Variants in CLVS2 observed in about 807,000 individuals in gnomAD.
The protein encoded by CLVS2 is clavesin 2.
A neutral mutation model predicts 29.0 loss-of-function variants in CLVS2; 19 were observed. The ratio of observed to expected loss-of-function variants is 0.66; its 90% CI spans 0.46 to 0.96. CLVS2 has a LOEUF of 0.96. Ranked by LOEUF, CLVS2 falls within the 40% of genes least tolerant of loss-of-function variation. CLVS2 has a pLI of 0.00. For missense variants in CLVS2, 294 were observed against 404.1 expected (o/e 0.73, Z 2.34); for synonymous variants, 161 against 151.3 (o/e 1.06, Z -0.47).
intron 3 of CLVS2, among the ~76,000 whole-genome samples, chr6:123,025,168 A>G (rs531804582): frequency 6.6e-5 from 10 of 152,214 alleles, no homozygotes; most frequent in African/African-American, 2.2e-4. Context: ...TTGCCCAGCT[A>G]TTTAAAGGTC....
intron 3 of CLVS2, among the ~76,000 whole-genome samples, chr6:123,014,935 C>T (rs1448698880): frequency 6.6e-6 from 1 of 152,006 alleles, no homozygotes; most frequent in Admixed American, 6.6e-5. Flanking sequence ...GATTGTTTCA[C>T]CTGGTGAAAT....
In CLVS2 at chr6:123,064,906, T is replaced by A. The variant is rs1456565137; in HGVS notation, c.*1145T>A. ...AATTTATAATGCAATCTTACATATG[T>A]GCCATCTTATTTGAACTATATTTTT... is the stretch of plus-strand genomic sequence containing the variant. On this transcript the variant is annotated 3_prime_UTR_variant, in exon 6 of 6. Coordinates refer to ENST00000275162, the MANE Select transcript of CLVS2 (RefSeq NM_001010852.4). 1 of 151,878 alleles carries A rather than the reference T, an allele frequency of 6.6e-6. No homozygotes were observed. Among genetic ancestry groups the A allele is most frequent in the Non-Finnish European group, 1.5e-5 (1 of 67,824 alleles). 9.4% of individuals were successfully genotyped at this position (151,878 alleles called of 1,614,324 possible).
chr6:123,029,606 A>T (rs1775053732), intron 3 of CLVS2, among the ~76,000 whole-genome samples: 2 of 152,196 alleles, frequency 1.3e-5, no homozygotes, highest in South Asian at 4.1e-4. Flanking sequence ...TTGAAACAAA[A>T]TAGTAGAAGG....
intron 3 of CLVS2, among the ~76,000 whole-genome samples, chr6:123,021,406 A>T (rs745971463): frequency 6.6e-6 from 1 of 151,988 alleles, no homozygotes; most frequent in Admixed American, 6.6e-5. Flanking sequence ...TGTGTCCACC[A>T]GACACTTAAT....
intron 5 of CLVS2, among the ~76,000 whole-genome samples, chr6:123,063,056 G>A (rs1174762798): frequency 6.6e-6 from 1 of 152,162 alleles, no homozygotes; most frequent in East Asian, 1.9e-4. Context: ...ACAAGAGGGG[G>A]TTTTACTTTT....
intron 4 of CLVS2, among the ~76,000 whole-genome samples, chr6:123,055,313 ATTCTTAT>A (rs1772677401): frequency 3.3e-5 from 2 of 61,246 alleles, no homozygotes; most frequent in South Asian, 1.2e-3. Context: ...TGGTTACAAT[ATTCTTAT>A]TTTTATTGAT....
At chr6:123,055,700 G>A (rs1350413132) in intron 4 of CLVS2, 106 bp from the exon 5 acceptor site, 11 of 780,918 alleles carry the variant, frequency 1.4e-5, no homozygotes, top group Non-Finnish European at 2.0e-5. Context: ...ACAGACATGC[G>A]AAACTCATAT....
At chr6:123,013,033 A>G (rs1481612526) in intron 3 of CLVS2, among the ~76,000 whole-genome samples, 1 of 152,024 alleles carries the variant, frequency 6.6e-6, no homozygotes, top group Non-Finnish European at 1.5e-5. Context: ...TGTCTACTCT[A>G]TGTATATCTA....
chr6:123,031,068 G>A (rs1775077347), intron 3 of CLVS2, among the ~76,000 whole-genome samples: 1 of 151,870 alleles, frequency 6.6e-6, no homozygotes, highest in Non-Finnish European at 1.5e-5. Flanking sequence ...AAGTAGCTGG[G>A]AATATGGGCA....
chr6:123,059,054 T>C (rs1055231732), intron 5 of CLVS2, among the ~76,000 whole-genome samples: 4 of 152,150 alleles, frequency 2.6e-5, no homozygotes, highest in African/African-American at 9.7e-5. Context: ...CCTGCCTCCC[T>C]CTCTCCTCCA....
chr6:123,058,208 A>C (rs1036792626), intron 5 of CLVS2, among the ~76,000 whole-genome samples: 2 of 152,092 alleles, frequency 1.3e-5, no homozygotes, highest in Non-Finnish European at 2.9e-5. Flanking sequence ...TGCATCCTCA[A>C]CGTTAGGTAG....
chr6:123,022,517 T>C (rs1774938686), intron 3 of CLVS2, among the ~76,000 whole-genome samples: 1 of 151,982 alleles, frequency 6.6e-6, no homozygotes. Context: ...AAATTATTCT[T>C]TTTCTATATG....
At chr6:123,032,005 A>C (rs567138577) in intron 3 of CLVS2, among the ~76,000 whole-genome samples, 2 of 152,122 alleles carry the variant, frequency 1.3e-5, no homozygotes, top group South Asian at 4.1e-4. Context: ...TTGGGCAATT[A>C]TTTCTATTCT....
chr6:123,019,935 AAGAC>A (rs1774896307), intron 3 of CLVS2, among the ~76,000 whole-genome samples: 1 of 150,752 alleles, frequency 6.6e-6, no homozygotes, highest in Admixed American at 6.7e-5. Flanking sequence ...TTCCAGCTCA[AAGAC>A]AGATAATTAG....
At position 123,004,116 on chromosome 6, in the gene CLVS2, G is replaced by A. The variant is rs539215519; in HGVS notation, c.389+5950G>A. Among the ~76,000 whole-genome samples the A allele has an allele frequency of 1.3e-3, 198 of 152,244 alleles. 3 individuals carry two copies. Among genetic ancestry groups the A allele is most frequent in the African/African-American group, 4.6e-3 (190 of 41,548 alleles). ...GCAATTAGGAACAGAACGTTAAGATGGAAGAATAAACTTTCTGAAGTCAAA... is the reference window on the plus strand; with the variant it reads ...GCAATTAGGAACAGAACGTTAAGATAGAAGAATAAACTTTCTGAAGTCAAA... On this transcript the variant is annotated intron_variant, in intron 2 of 5. Transcript: ENST00000275162.
At chr6:123,061,996 T>C (rs1015950300) in intron 5 of CLVS2, among the ~76,000 whole-genome samples, 1 of 152,204 alleles carries the variant, frequency 6.6e-6, no homozygotes, top group Non-Finnish European at 1.5e-5. Flanking sequence ...TTGGAAATTA[T>C]TTACTGGCTA....
At chr6:123,042,092 C>A (rs932248204) in intron 3 of CLVS2, among the ~76,000 whole-genome samples, 12 of 152,158 alleles carry the variant, frequency 7.9e-5, no homozygotes, top group Non-Finnish European at 1.6e-4. Context: ...AAAATTGAGA[C>A]ACTATTTTTA....
At chr6:123,022,464 C>T (rs1042212345) in intron 3 of CLVS2, among the ~76,000 whole-genome samples, 3 of 152,028 alleles carry the variant, frequency 2.0e-5, no homozygotes, top group Middle Eastern at 3.4e-3. Flanking sequence ...AAATGAAGGT[C>T]AGTAGCCACC....
intron 4 of CLVS2, among the ~76,000 whole-genome samples, chr6:123,052,017 C>T (rs1772618202): frequency 6.6e-6 from 1 of 152,128 alleles, no homozygotes; most frequent in African/African-American, 2.4e-5. Context: ...TCTAAAAGAG[C>T]ATCATCATAT....
Sources: allele counts gnomAD v4.1 joint callset (sites outside exome capture counted in the v4.1 genomes callset), GRCh38; gene constraint gnomAD v4.1.1; transcripts MANE v1.5; gene names NCBI Gene and HGNC (gene_info 2026-07-23, HGNC 2026-07-21).